The following KIF27 variants were observed in gnomAD, a reference collection of about 807,000 sequenced individuals.
KIF27 encodes kinesin family member 27.
A neutral mutation model predicts 141.8 loss-of-function variants in KIF27; 84 were observed. The ratio of observed to expected loss-of-function variants is 0.59; its 90% confidence interval spans 0.50 to 0.71. The LOEUF is 0.71. Among genes scored for constraint, KIF27 ranks in the 30% least tolerant of loss-of-function variants. KIF27 has a pLI of 0.00. For missense variants in KIF27, 1,306 were observed against 1,628.4 expected (o/e 0.80, Z 3.41); for synonymous variants, 471 against 569.5 (o/e 0.83, Z 2.46).
rs1946002046 is a variant in KIF27, at chr9:83,837,418, C to T, written c.3789G>A (p.Trp1263Ter). The T allele has an allele frequency of 1.9e-6, 3 of 1,612,692 alleles. No individual in the cohort carries two copies. The highest frequency in any genetic ancestry group is 4.5e-5 in the East Asian group (2 of 44,860). Residue 1263 changes from tryptophan (W) to a stop codon, truncating the protein, a stop_gained, in exon 18 of 18, where the codon TGG (tryptophan) becomes TGA (stop). Coordinates refer to ENST00000297814, the MANE Select transcript of KIF27 (RefSeq NM_017576.4). LOFTEE classifies it low-confidence loss of function (END_TRUNC). ...GGGMLSEELKWASRPESMKLS... is the reference protein window; with the variant it reads ...GGGMLSEELK Reference sequence around the variant, plus strand: ...ATTTCATACTTTCAGGTCTGGATGCCCATTTTAATTCTTCTGAAAGCATGC... The same window carrying T: ...ATTTCATACTTTCAGGTCTGGATGCTCATTTTAATTCTTCTGAAAGCATGC...
chr9:83,845,493 C>A (rs1233035507), intron 16 of KIF27, among the ~76,000 whole-genome samples: 2 of 152,202 alleles, frequency 1.3e-5, no homozygotes, highest in Non-Finnish European at 2.9e-5. Flanking sequence ...CTCCAGCCTG[C>A]ACCGATGGCC....
rs1947781639 is a variant in KIF27 at position 83,848,180 on chromosome 9, T to TATCTGATATATCTG, written c.3556+1918_3556+1919insCAGATATATCAGAT. Among the ~76,000 whole-genome samples the TATCTGATATATCTG allele has an allele frequency of 6.0e-5, 2 of 33,118 alleles. 1 individual carries two copies. Among genetic ancestry groups the TATCTGATATATCTG allele is most frequent in the Admixed American group, 4.9e-4 (2 of 4,062 alleles). The allele number at this position is 33,118 out of a possible 152,430, so 21.7% of individuals were successfully genotyped here. The stretch of plus-strand genomic sequence containing the variant: ...CATATATGATATATCTGATATATCA[T>TATCTGATATATCTG]ATATGATATATATGATATATCAGAT... On this transcript the variant is annotated intron_variant, in intron 16 of 17. Coordinates refer to ENST00000297814, the MANE Select transcript of KIF27 (RefSeq NM_017576.4).
In KIF27 at chr9:83,921,062, T is replaced by C. The variant is rs904798391; in HGVS notation, c.-88+309A>G. Among the ~76,000 whole-genome samples the C allele has an allele frequency of 2.2e-4, 33 of 152,200 alleles. 1 individual carries two copies. The East Asian group carries it at 6.2e-3, about 29-fold the overall frequency. On this transcript the variant is annotated intron_variant, in intron 1 of 17. Transcript: ENST00000297814. ...CGGGTCCCGCGTTCCGGTCGATCGG[T>C]GTTCCCCGGGACCCGCTCCTCAGGG...
chr9:83,875,538 C>G (rs1428961543), intron 11 of KIF27, among the ~76,000 whole-genome samples: 1 of 152,032 alleles, frequency 6.6e-6, no homozygotes, highest in Non-Finnish European at 1.5e-5. Flanking sequence ...GAAAAGTATC[C>G]TATACTCACC....
At position 83,903,576 on chromosome 9, in the gene KIF27, C is replaced by T. The variant is rs773875283; in HGVS notation, c.942G>A (p.Met314Ile). The T allele has an allele frequency of 6.2e-7, 1 of 1,614,140 alleles. No individual in the cohort carries two copies. The highest frequency in any genetic ancestry group is 8.5e-7 in the Non-Finnish European group (1 of 1,180,012). Residue 314 changes from methionine to isoleucine, a missense_variant, in exon 4 of 18, where the codon ATG (methionine) becomes ATA (isoleucine). This residue lies in a region of KIF27 where 533 missense variants were observed against 565.6 expected (regional missense o/e 0.94). Coordinates refer to ENST00000297814, the MANE Select transcript of KIF27 (RefSeq NM_017576.4). The stretch of plus-strand genomic sequence containing the variant: ...AGGAGGAGGGGCTGACACATGTGAT[C>T]ATGACAGTCTTAGCACTGCCTCCCA... Reference protein sequence around the residue: ...DSLGGSAKTVMITCVSPSSSN... With the variant: ...DSLGGSAKTVIITCVSPSSSN...
rs747324827 is a variant in KIF27 at position 83,903,818 on chromosome 9, G to A, written c.700C>T (p.Arg234Trp). ...AAEDGSWYSP[R>W]HIVSKFHFVD... is the part of the protein sequence containing the mutation. The stretch of plus-strand genomic sequence containing the variant: ...AAGTGGAACTTTGAGACAATATGCC[G>A]AGGGGAATACCATGATCCATCTTCA... Residue 234 changes from arginine to tryptophan, a missense_variant, in exon 4 of 18, where the codon CGG (arginine) becomes TGG (tryptophan). Arg to Trp is a moderately radical substitution (Grantham distance 101). This residue lies in a region of KIF27 where 533 missense variants were observed against 565.6 expected (regional missense o/e 0.94). Coordinates refer to ENST00000297814, the MANE Select transcript of KIF27 (RefSeq NM_017576.4). 60 of 1,614,036 alleles carry A rather than the reference G, an allele frequency of 3.7e-5. 1 individual carries two copies. Among genetic ancestry groups the A allele is most frequent in the South Asian group, 3.0e-4 (27 of 91,084 alleles).
intron 11 of KIF27, among the ~76,000 whole-genome samples, chr9:83,877,936 A>C (rs900850989): frequency 2.6e-5 from 4 of 151,980 alleles, no homozygotes; most frequent in Non-Finnish European, 4.4e-5. Context: ...GGAAATGCAA[A>C]CCAAAACCAC....
At chr9:83,887,407 T>G (rs1952209376) in intron 8 of KIF27, among the ~76,000 whole-genome samples, 1 of 152,236 alleles carries the variant, frequency 6.6e-6, no homozygotes. Context: ...TACAAATTAA[T>G]ACATGTATGT....
intron 6 of KIF27, among the ~76,000 whole-genome samples, chr9:83,890,568 C>G (rs1952578791): frequency 6.6e-6 from 1 of 152,182 alleles, no homozygotes; most frequent in Admixed American, 6.5e-5. Context: ...ATGTCCAGAG[C>G]TATTATAGTA....
intron 5 of KIF27, 139 bp from the exon 6 acceptor site, chr9:83,891,640 T>G: frequency 1.2e-6 from 1 of 834,344 alleles, no homozygotes; most frequent in Non-Finnish European, 1.8e-6. Context: ...AGAGACTAGC[T>G]CTCTGGTGTT....
intron 14 of KIF27, chr9:83,858,848 T>C (rs1949558843): frequency 2.8e-6 from 1 of 355,028 alleles, no homozygotes; most frequent in South Asian, 3.5e-5. Flanking sequence ...TCATTTTCTA[T>C]GTTCTGTGAT....
At chr9:83,851,861 G>A (rs908434401) in intron 15 of KIF27, among the ~76,000 whole-genome samples, 10 of 152,222 alleles carry the variant, frequency 6.6e-5, no homozygotes, top group African/African-American at 2.4e-4. Flanking sequence ...CAGGCACCGT[G>A]GCTCACACCT....
chr9:83,897,386 T>C lies in KIF27; in HGVS notation c.1602+2275A>G, dbSNP rs1953378463. Among the ~76,000 whole-genome samples the C allele has an allele frequency of 3.3e-5, 5 of 152,154 alleles. No homozygotes were observed. The South Asian group carries it at 1.0e-3, about 32-fold the overall frequency. ...TTGTGAGAAGATGGTTTCCAATAAA[T>C]GATGCTAGAACAAATGAATATCTAT... On this transcript the variant is annotated intron_variant, in intron 5 of 17. Transcript: ENST00000297814.
At chr9:83,902,181 TA>T (rs1171953472) in intron 4 of KIF27, among the ~76,000 whole-genome samples, 1 of 152,164 alleles carries the variant, frequency 6.6e-6, no homozygotes, top group Non-Finnish European at 1.5e-5. Flanking sequence ...TATGTCTAGC[TA>T]GATAGAGAAA....
intron 1 of KIF27, among the ~76,000 whole-genome samples, chr9:83,919,447 T>G (rs1458408566): frequency 6.6e-6 from 1 of 152,196 alleles, no homozygotes; most frequent in Non-Finnish European, 1.5e-5. Flanking sequence ...GTGCAGATGA[T>G]GAAAAGTAAT....
At chr9:83,844,907 G>A (rs2131544898) in intron 16 of KIF27, among the ~76,000 whole-genome samples, 1 of 152,320 alleles carries the variant, frequency 6.6e-6, no homozygotes, top group East Asian at 1.9e-4. Flanking sequence ...TCTGGATTTT[G>A]AAGGCAGCAC....
At chr9:83,877,991 C>T (rs147639367) in intron 11 of KIF27, among the ~76,000 whole-genome samples, 6 of 151,392 alleles carry the variant, frequency 4.0e-5, no homozygotes, top group Non-Finnish European at 7.4e-5. Flanking sequence ...AGTGAAAACC[C>T]GTCTCTACTA....
chr9:83,909,453 T>C (rs1180919875), intron 2 of KIF27, among the ~76,000 whole-genome samples: 3 of 151,784 alleles, frequency 2.0e-5, no homozygotes, highest in Non-Finnish European at 2.9e-5. Flanking sequence ...CTACTAAAAA[T>C]ACAAAAATTA....
chr9:83,840,325 T>C (rs1047645336), intron 17 of KIF27, among the ~76,000 whole-genome samples: 4 of 152,112 alleles, frequency 2.6e-5, no homozygotes, highest in African/African-American at 9.7e-5. Flanking sequence ...CTAGGTAGAA[T>C]AGCAAATTAG....
Sources: gnomAD v4.1 joint callset for allele counts (sites outside exome capture counted in the v4.1 genomes callset) on GRCh38, gnomAD v4.1.1 for gene constraint, gnomAD v4.1.1 regional missense constraint, MANE v1.5 for transcripts, NCBI Gene and HGNC (gene_info 2026-07-23, HGNC 2026-07-21) for gene names.